The following CFAP46 variants were observed in gnomAD, a reference collection of about 807,000 sequenced individuals.
The protein encoded by CFAP46 is cilia- and flagella-associated protein 46.
A neutral mutation model predicts 325.7 loss-of-function variants in CFAP46; 245 were observed. That is an observed-to-expected ratio of 0.75 (90% CI 0.68 to 0.84). The LOEUF (loss-of-function observed/expected upper bound fraction) is 0.84, where lower values mean the gene tolerates loss of function less well. Among genes scored for constraint, CFAP46 ranks in the 40% least tolerant of loss-of-function variants. The pLI is 0.00. For synonymous variants in CFAP46, 1,523 were observed against 1,495.9 expected, an observed-to-expected ratio of 1.02 and a Z score of -0.42; for missense variants, 3,346 against 3,543.0, an observed-to-expected ratio of 0.94 and a Z score of 1.41.
intron 50 of CFAP46, 52 bp downstream of exon 50, chr10:132,833,306 A>C: frequency 1.3e-6 from 2 of 1,507,696 alleles, no homozygotes; most frequent in South Asian, 2.4e-5. Context: ...AAAATAATTT[A>C]AATATTTCCA....
chr10:132,818,931 TAAC>T (rs561393727), intron 50 of CFAP46, among the ~76,000 whole-genome samples: 27 of 150,666 alleles, frequency 1.8e-4, no homozygotes, highest in African/African-American at 6.3e-4. Flanking sequence ...TGTTTGCAGA[TAAC>T]AAGCTCTTAT....
At chr10:132,913,786 G>C (rs1220420296) in intron 17 of CFAP46, among the ~76,000 whole-genome samples, 3 of 151,458 alleles carry the variant, frequency 2.0e-5, no homozygotes, top group African/African-American at 7.3e-5. Context: ...CTCAGAAAGG[G>C]GCTCCTGTGG....
intron 31 of CFAP46, among the ~76,000 whole-genome samples, chr10:132,874,368 T>C (rs1274787680): frequency 7.1e-6 from 1 of 141,536 alleles, no homozygotes; most frequent in Non-Finnish European, 1.5e-5. Context: ...TCTGCATAGA[T>C]GGAGAAAAAT....
At chr10:132,873,583 T>C (rs1157003761) in intron 31 of CFAP46, among the ~76,000 whole-genome samples, 4 of 151,732 alleles carry the variant, frequency 2.6e-5, no homozygotes, top group African/African-American at 9.7e-5. Context: ...AAAACGGGGT[T>C]CAGGGCCCAC....
chr10:132,814,220 A>G lies in CFAP46; in HGVS notation c.7320T>C (p.Ile2440=). Residue 2440 remains isoleucine, a synonymous_variant, in exon 54 of 58, where the codon ATT becomes ATC. Coordinates refer to ENST00000368586, the MANE Select transcript of CFAP46 (RefSeq NM_001200049.3). ...TGAATGTGTCTTGGAATCTTTCCAA[A>G]ATGTCTTGGGTGATGGAGACAGGAG... The part of the protein sequence containing the change: ...MLTPVSITQD[I]LERFQDTFTS... 1 of 1,613,928 alleles carries G rather than the reference A, an allele frequency of 6.2e-7. No homozygotes were observed. Among genetic ancestry groups the G allele is most frequent in the Non-Finnish European group, 8.5e-7 (1 of 1,179,946 alleles).
chr10:132,937,062 T>C lies in CFAP46; in HGVS notation c.661-7A>G, dbSNP rs775929108. On this transcript the variant is annotated splice_polypyrimidine_tract_variant and splice_region_variant and intron_variant, in intron 6 of 57. Transcript: ENST00000368586. The stretch of plus-strand genomic sequence containing the variant: ...CCATTAATTCATGACGAACCTGTCA[T>C]AAAATGGAGCAGATTATTAATCTGG... 2.0e-6 allele frequency: 3 copies of C among 1,469,780 alleles called. No homozygotes were observed. The highest frequency in any genetic ancestry group is 4.7e-5 in the East Asian group (2 of 42,330). The allele number at this position is 1,469,780 out of a possible 1,614,324, so 91.0% of individuals were successfully genotyped here. A position where few individuals can be genotyped will look rare whatever the true frequency, so the allele number is the denominator to read the frequency against.
chr10:132,885,698 A>AG, intron 26 of CFAP46, 123 bp downstream of exon 26: 1 of 757,042 alleles, frequency 1.3e-6, no homozygotes, highest in Admixed American at 4.7e-5. Flanking sequence ...GTGGGGGAGC[A>AG]CACCCCCGGT....
intron 9 of CFAP46, chr10:132,929,472 T>C (rs374044603): frequency 1.1e-5 from 8 of 757,102 alleles, no homozygotes; most frequent in Middle Eastern, 2.3e-4. Flanking sequence ...ACTGTGGTGC[T>C]GTGGACCCGT....
intron 22 of CFAP46, 132 bp downstream of exon 22, chr10:132,908,336 C>A: frequency 8.8e-7 from 1 of 1,139,324 alleles, no homozygotes; most frequent in East Asian, 2.6e-5. Flanking sequence ...TGATCGCGGC[C>A]CAGGCCCGCG....
Position 132,847,220 on chromosome 10 carries a change from C to T in CFAP46, c.6054G>A (p.Pro2018=), listed in dbSNP as rs779521444. The T allele has an allele frequency of 2.2e-5, 36 of 1,613,008 alleles. No homozygotes were observed. The highest frequency in any genetic ancestry group is 6.7e-5 in the African/African-American group (5 of 74,922). ...SRDPPASRAA[P]EEHCRRGEDL... is the part of the protein sequence containing the mutation. ...CCTCGCCTCTCCTGCAGTGCTCCTC[C>T]GGGGCTGCCCTGGAGGCCGGCGGGT... is the stretch of plus-strand genomic sequence containing the variant. Residue 2018 remains proline (P), a synonymous_variant, in exon 42 of 58, where the codon CCG becomes CCA. Transcript: ENST00000368586. This position sits in a 1 kb window ranked among gnomAD's most constrained non-coding sequence, Gnocchi z 5.2.
intron 39 of CFAP46, among the ~76,000 whole-genome samples, chr10:132,855,816 G>C (rs551382199): frequency 6.6e-6 from 1 of 152,296 alleles, no homozygotes; most frequent in African/African-American, 2.4e-5. Flanking sequence ...TTACATGTTA[G>C]AGACCCCATG....
Position 132,820,632 on chromosome 10 carries a change from G to C in CFAP46, c.7118-5718C>G, listed in dbSNP as rs571626803. On this transcript the variant is annotated intron_variant, in intron 50 of 57. Coordinates refer to ENST00000368586, the MANE Select transcript of CFAP46 (RefSeq NM_001200049.3). Reference sequence around the variant, plus strand: ...TGCTGTGTGTGCTGATGTGTGCTGAGTGCTGATGTGTGCTGTGAGTGCTGA... The same window carrying C: ...TGCTGTGTGTGCTGATGTGTGCTGACTGCTGATGTGTGCTGTGAGTGCTGA... Among the ~76,000 whole-genome samples the C allele has an allele frequency of 4.7e-3, 690 of 145,894 alleles. 4 individuals carry two copies. Among genetic ancestry groups the C allele is most frequent in the Middle Eastern group, 0.01 (3 of 286 alleles).
At position 132,916,901 on chromosome 10, in the gene CFAP46, G is replaced by A. The variant is rs550786507; in HGVS notation, c.1987-219C>T. On this transcript the variant is annotated intron_variant, in intron 16 of 57. Transcript: ENST00000368586. ...GACTCTCTCCACCCATTAGCACAAGGGTCAGGGAAGAGAAGGTCCTTCCAG... is the reference window on the plus strand; with the variant it reads ...GACTCTCTCCACCCATTAGCACAAGAGTCAGGGAAGAGAAGGTCCTTCCAG... 2.0e-5 allele frequency among the ~76,000 whole-genome samples: 3 copies of A among 152,288 alleles called. No individual in the cohort carries two copies. In the South Asian group the frequency reaches 6.2e-4, roughly 32 times the overall value.
chr10:132,814,481 C>A, intron 53 of CFAP46, 96 bp downstream of exon 53: 2 of 1,456,722 alleles, frequency 1.4e-6, no homozygotes, highest in Non-Finnish European at 1.9e-6. Context: ...TTCGGAGCCT[C>A]GAGGAGTGGG....
chr10:132,940,259 A>T (rs1217962336), intron 4 of CFAP46, among the ~76,000 whole-genome samples: 3 of 152,158 alleles, frequency 2.0e-5, no homozygotes, highest in African/African-American at 7.2e-5. Flanking sequence ...CTATTTAAAT[A>T]TCCTCCAAAC....
intron 50 of CFAP46, among the ~76,000 whole-genome samples, chr10:132,831,756 T>C (rs1445959247): frequency 6.6e-6 from 1 of 152,242 alleles, no homozygotes; most frequent in East Asian, 1.9e-4. Flanking sequence ...GGTTGAAATA[T>C]ACTATCTTGC....
intron 10 of CFAP46, among the ~76,000 whole-genome samples, chr10:132,925,283 A>G (rs573259742): frequency 6.6e-5 from 10 of 152,264 alleles, no homozygotes; most frequent in East Asian, 1.9e-4. Context: ...ATTTCAGTGG[A>G]GCAGTCTCCC....
At chr10:132,873,763 G>T (rs1848926590) in intron 31 of CFAP46, among the ~76,000 whole-genome samples, 1 of 152,212 alleles carries the variant, frequency 6.6e-6, no homozygotes, top group South Asian at 2.1e-4. Context: ...CAATGGAATT[G>T]ATCACTCCCA....
Position 132,814,756 on chromosome 10 carries a change from C to T in CFAP46, c.7189-10G>A. On this transcript the variant is annotated splice_polypyrimidine_tract_variant and intron_variant, in intron 51 of 57. Coordinates refer to ENST00000368586, the MANE Select transcript of CFAP46 (RefSeq NM_001200049.3). ...TCCGGGGGATGCTGCCCTGCAACCACAGACCAGGGTCAGCAGGTGCAGGGG... is the reference window on the plus strand; with the variant it reads ...TCCGGGGGATGCTGCCCTGCAACCATAGACCAGGGTCAGCAGGTGCAGGGG... The T allele has an allele frequency of 6.2e-7, 1 of 1,613,768 alleles. No homozygotes were observed. Among genetic ancestry groups the T allele is most frequent in the South Asian group, 1.1e-5 (1 of 91,066 alleles).
Sources: gnomAD v4.1 joint callset for allele counts (sites outside exome capture counted in the v4.1 genomes callset) on GRCh38, gnomAD v4.1.1 for gene constraint, Gnocchi (gnomAD v3.1) non-coding constraint, MANE v1.5 for transcripts, NCBI Gene and HGNC (gene_info 2026-07-23, HGNC 2026-07-21) for gene names.